SGCD: variants seen among roughly 807,000 people sequenced by gnomAD.
SGCD encodes the protein sarcoglycan delta, also known as delta-sarcoglycan.
SGCD carries 18 observed loss-of-function variants against 36.6 expected under a neutral mutation model. The ratio of observed to expected loss-of-function variants is 0.49; its 90% CI spans 0.34 to 0.73. SGCD has a LOEUF of 0.73. SGCD is among the 30% of genes least tolerant of loss of function. SGCD has a pLI of 0.01. For missense variants in SGCD, 387 were observed against 346.7 expected, an observed-to-expected ratio of 1.12 and a Z score of -0.92; for synonymous variants, 133 against 130.6, an observed-to-expected ratio of 1.02 and a Z score of -0.12.
chr5:156,709,171 C>A (rs1387246857), intron 7 of SGCD, among the ~76,000 whole-genome samples: 1 of 152,102 alleles, frequency 6.6e-6, no homozygotes, highest in African/African-American at 2.4e-5. Flanking sequence ...GGCAGAGTGA[C>A]GTTTTGGATG....
chr5:156,707,386 A>G (rs961498016), intron 7 of SGCD, among the ~76,000 whole-genome samples: 1 of 152,172 alleles, frequency 6.6e-6, no homozygotes, highest in Non-Finnish European at 1.5e-5. Context: ...CTCAGTAAAG[A>G]GTGCTAGAAT....
chr5:155,792,808 T>A, the SGCD span, among the ~76,000 whole-genome samples: 1 of 152,206 alleles, frequency 6.6e-6, no homozygotes, highest in African/African-American at 2.4e-5. Context: ...TTGGCGGGAA[T>A]GCAAATTAGT....
At chr5:155,997,522 C>T (rs781703917) in intron 1 of SGCD, among the ~76,000 whole-genome samples, 7 of 152,184 alleles carry the variant, frequency 4.6e-5, no homozygotes, top group South Asian at 2.1e-4. Flanking sequence ...ATACATCGCT[C>T]AACATGGCAT....
chr5:155,897,993 G>T (rs1483653891), intron 1 of SGCD, among the ~76,000 whole-genome samples: 2 of 152,184 alleles, frequency 1.3e-5, no homozygotes, highest in African/African-American at 4.8e-5. Flanking sequence ...GCTCAACAAA[G>T]TCTGGATGGA....
the SGCD span, among the ~76,000 whole-genome samples, chr5:155,733,373 A>G: frequency 3.3e-5 from 5 of 152,172 alleles, no homozygotes; most frequent in Admixed American, 2.6e-4. Flanking sequence ...CTTCTATTTC[A>G]TTGAAAAGTG....
intron 3 of SGCD, among the ~76,000 whole-genome samples, chr5:156,310,253 G>T (rs1423585351): frequency 6.6e-6 from 1 of 152,180 alleles, no homozygotes. Flanking sequence ...TTGGTGGCGA[G>T]GCACTGGTCT....
At chr5:156,163,513 A>G (rs1763134455) in intron 3 of SGCD, among the ~76,000 whole-genome samples, 1 of 151,660 alleles carries the variant, frequency 6.6e-6, no homozygotes, top group African/African-American at 2.4e-5. Context: ...TTCTCCACCT[A>G]GTAAACCAGA....
intron 1 of SGCD, among the ~76,000 whole-genome samples, chr5:156,089,300 T>G (rs190675988): frequency 9.8e-5 from 15 of 152,330 alleles, no homozygotes; most frequent in African/African-American, 3.4e-4. Context: ...TCAGATTGCC[T>G]TCCTGGCAGA....
intron 1 of SGCD, among the ~76,000 whole-genome samples, chr5:155,935,602 T>A (rs981655289): frequency 1.3e-5 from 2 of 151,952 alleles, no homozygotes; most frequent in African/African-American, 4.8e-5. Context: ...AATTAAGGAG[T>A]AAGGTGAGGA....
intron 3 of SGCD, among the ~76,000 whole-genome samples, chr5:156,301,062 T>C (rs767074647): frequency 6.6e-6 from 1 of 152,028 alleles, no homozygotes; most frequent in Non-Finnish European, 1.5e-5. Flanking sequence ...TGTCTTTTAA[T>C]TGGACAGTCT....
chr5:156,162,645 T>C (rs1763110987), intron 3 of SGCD, among the ~76,000 whole-genome samples: 1 of 151,646 alleles, frequency 6.6e-6, no homozygotes, highest in Non-Finnish European at 1.5e-5. Context: ...CGTTTTGTCC[T>C]TGAGGACTAT....
rs147130704 is a variant in SGCD at position 156,497,105 on chromosome 5, C to T, written c.193-11496C>T. On this transcript the variant is annotated intron_variant, in intron 3 of 8. Coordinates refer to ENST00000337851, the MANE Select transcript of SGCD (RefSeq NM_000337.6). ...CACTCTAACACTTGCAGTCTGGTTC[C>T]AAAGCTTATATTCTTAGCCAGGATA... Among the ~76,000 whole-genome samples the T allele has an allele frequency of 3.6e-3, 550 of 152,032 alleles. 3 individuals carry two copies. The highest frequency in any genetic ancestry group is 0.017 in the South Asian group (83 of 4,804).
chr5:156,306,773 C>T (rs559318619), intron 3 of SGCD, among the ~76,000 whole-genome samples: 5 of 152,150 alleles, frequency 3.3e-5, no homozygotes, highest in African/African-American at 7.2e-5. Flanking sequence ...TGTTCAATTT[C>T]GTGTTCCTTT....
chr5:156,344,470 C>T lies in SGCD; in HGVS notation c.4-19C>T. 1 of 1,529,614 alleles carries T rather than the reference C, an allele frequency of 6.5e-7. No homozygotes were observed. Among genetic ancestry groups the T allele is most frequent in the Admixed American group, 2.4e-5 (1 of 42,370 alleles). The allele number at this position is 1,529,614 out of a possible 1,614,324, so 94.8% of individuals were successfully genotyped here. A position where few individuals can be genotyped will look rare whatever the true frequency, so the allele number is the denominator to read the frequency against. Reference sequence around the variant, plus strand: ...AGCGGTTTAATGTGAGTGCTTCTCTCTTGCCTCGTTTATTTCAGATGCCTC... The same window carrying T: ...AGCGGTTTAATGTGAGTGCTTCTCTTTTGCCTCGTTTATTTCAGATGCCTC... On this transcript the variant is annotated intron_variant, in intron 2 of 8. Transcript: ENST00000337851.
At chr5:155,994,041 G>A (rs368753517) in intron 1 of SGCD, among the ~76,000 whole-genome samples, 1 of 152,166 alleles carries the variant, frequency 6.6e-6, no homozygotes, top group East Asian at 1.9e-4. Context: ...AATACAATCT[G>A]TCCCCAGTAT....
At chr5:156,407,050 G>A (rs1350729672) in intron 3 of SGCD, among the ~76,000 whole-genome samples, 5 of 151,666 alleles carry the variant, frequency 3.3e-5, no homozygotes, top group Admixed American at 1.3e-4. Context: ...GCTTTTTCAC[G>A]TTTTTCTGCC....
chr5:156,451,558 G>A (rs1234149447), intron 3 of SGCD, among the ~76,000 whole-genome samples: 1 of 152,178 alleles, frequency 6.6e-6, no homozygotes. Context: ...AGAGATGATA[G>A]CCTTGAAATT....
intron 7 of SGCD, among the ~76,000 whole-genome samples, chr5:156,719,774 G>T (rs1755402791): frequency 6.6e-6 from 1 of 151,526 alleles, no homozygotes; most frequent in Non-Finnish European, 1.5e-5. Flanking sequence ...CCAACAAGAT[G>T]ACCCTTTAGC....
At chr5:156,109,804 T>C (rs1761741082) in intron 1 of SGCD, among the ~76,000 whole-genome samples, 1 of 152,182 alleles carries the variant, frequency 6.6e-6, no homozygotes, top group South Asian at 2.1e-4. Context: ...CTAATCCATT[T>C]ACTGCCCTAT....
Sources: gnomAD v4.1 joint callset for allele counts (sites outside exome capture counted in the v4.1 genomes callset) on GRCh38, gnomAD v4.1.1 for gene constraint, MANE v1.5 for transcripts, NCBI Gene and HGNC (gene_info 2026-07-23, HGNC 2026-07-21) for gene names.